Variants in HARS2 observed in about 807,000 individuals in gnomAD.
The protein encoded by HARS2 is histidyl-tRNA synthetase 2, mitochondrial, also known as histidine--tRNA ligase, mitochondrial.
HARS2 carries 40 observed loss-of-function variants against 62.4 expected under a neutral mutation model. That is an observed-to-expected ratio of 0.64 (90% confidence interval 0.50 to 0.83). The LOEUF (loss-of-function observed/expected upper bound fraction) is 0.83. HARS2 is among the 40% of genes least tolerant of loss of function. The probability of loss-of-function intolerance (pLI) is 0.00; values close to 1 mark genes in which losing one functional copy is unlikely to be tolerated. For missense variants in HARS2, 569 were observed against 626.4 expected, an observed-to-expected ratio of 0.91 and a Z score of 0.98; for synonymous variants, 228 against 227.0, an observed-to-expected ratio of 1.00 and a Z score of -0.04.
chr5:140,697,804 G>C (rs1759814136), intron 11 of HARS2, 119 bp downstream of exon 11: 2 of 1,228,912 alleles, frequency 1.6e-6, no homozygotes, highest in Non-Finnish European at 2.4e-6. Flanking sequence ...GCTACTACTG[G>C]CTACTAGATT....
chr5:140,697,754 T>C, intron 11 of HARS2, 69 bp downstream of exon 11: 1 of 1,306,904 alleles, frequency 7.7e-7, no homozygotes. Context: ...TATATCTATC[T>C]TATGTCTGGG....
rs1759889440 is a variant in HARS2 at position 140,699,297 on chromosome 5, T to C, written c.*745T>C. The C allele has an allele frequency of 6.5e-6, 1 of 153,668 alleles. No individual in the cohort carries two copies. The highest frequency in any genetic ancestry group is 2.4e-5 in the African/African-American group (1 of 41,446). 9.5% of individuals were successfully genotyped at this position (153,668 alleles called of 1,614,324 possible). A position where few individuals can be genotyped will look rare whatever the true frequency, so the allele number is the denominator to read the frequency against. On this transcript the variant is annotated 3_prime_UTR_variant, in exon 13 of 13. Transcript: ENST00000230771. ...GTTGGATAACATGTTAAATAAAATA[T>C]TAAGTGTAGTAGTTTGGGTAATTTG...
At chr5:140,697,911 C>T in intron 11 of HARS2, 21 bp from the exon 12 acceptor site, 1 of 1,611,748 alleles carries the variant, frequency 6.2e-7, no homozygotes, top group Non-Finnish European at 8.5e-7. Flanking sequence ...AAGTCCCTTA[C>T]TCTGTCTTGA....
intron 11 of HARS2, 84 bp from the exon 12 acceptor site, chr5:140,697,848 T>C: frequency 4.1e-6 from 6 of 1,460,122 alleles, no homozygotes; most frequent in Non-Finnish European, 5.8e-6. Context: ...GCCACTTATC[T>C]CTGGCTTTCT....
intron 12 of HARS2, 135 bp downstream of exon 12, chr5:140,698,213 G>A (rs1759835944): frequency 4.3e-6 from 4 of 922,188 alleles, no homozygotes; most frequent in Non-Finnish European, 5.1e-6. Context: ...ACTCACTCAA[G>A]ATGACCATTG....
intron 1 of HARS2, 91 bp downstream of exon 1, chr5:140,691,847 A>T (rs1759503153): frequency 2.2e-6 from 2 of 928,924 alleles, no homozygotes; most frequent in Admixed American, 4.0e-5. Flanking sequence ...GTAGTGTTAC[A>T]ATCGGTTTTT....
At position 140,697,653 on chromosome 5, in the gene HARS2, C is replaced by T. The variant is rs762273590; in HGVS notation, c.1282C>T (p.Leu428Phe). ...QKNFLQERLK[L>F]IAELWDSGIK... The stretch of plus-strand genomic sequence containing the variant: ...GAACTTTCTCCAAGAACGGTTGAAG[C>T]TTATTGCAGAGCTTTGGGATTCTGG... The change falls in exon 11 of 13, where the codon CTT becomes TTT. Residue 428 changes from leucine (L) to phenylalanine (F), a missense_variant. Transcript: ENST00000230771. 6.2e-7 allele frequency: 1 copy of T among 1,613,158 alleles called. No homozygotes were observed. The highest frequency in any genetic ancestry group is 2.2e-5 in the East Asian group (1 of 44,894).
At position 140,696,353 on chromosome 5, in the gene HARS2, CATGCTATACAGTGGGG is replaced by C; in HGVS notation, c.732+155_733-150del. 1.5e-5 allele frequency: 12 copies of C among 796,838 alleles called. No individual in the cohort carries two copies. The South Asian group carries it at 1.7e-4, about 11-fold the overall frequency. 49.4% of individuals were successfully genotyped at this position (796,838 alleles called of 1,614,324 possible). A position where few individuals can be genotyped will look rare whatever the true frequency, so the allele number is the denominator to read the frequency against. On this transcript the variant is annotated intron_variant, in intron 7 of 12. Transcript: ENST00000230771. ...GCATACTCTGAAGGAAGATCTGAGT[CATGCTATACAGTGGGG>C]ATTGTGACTGGATTTCTTAAGCTGT... is the stretch of plus-strand genomic sequence containing the variant.
chr5:140,695,968 T>C, intron 6 of HARS2, 123 bp downstream of exon 6: 1 of 983,292 alleles, frequency 1.0e-6, no homozygotes, highest in Non-Finnish European at 1.7e-6. Flanking sequence ...CTAGTAAAGC[T>C]GTTGTATTTC....
intron 1 of HARS2, chr5:140,692,063 T>C (rs1759516769): frequency 2.5e-6 from 1 of 403,008 alleles, no homozygotes; most frequent in African/African-American, 2.0e-5. Flanking sequence ...CCTGAAACTC[T>C]TGGACTCAAA....
At chr5:140,694,333 T>C in intron 4 of HARS2, 53 bp downstream of exon 4, 1 of 1,245,226 alleles carries the variant, frequency 8.0e-7, no homozygotes. Context: ...TCCAGCGGGC[T>C]TTCTCTGACA....
In HARS2 at chr5:140,697,602, C is replaced by G. The variant is rs1695559223; in HGVS notation, c.1231C>G (p.Gln411Glu). 6.2e-7 allele frequency: 1 copy of G among 1,613,848 alleles called. No homozygotes were observed. Among genetic ancestry groups the G allele is most frequent in the Non-Finnish European group, 8.5e-7 (1 of 1,179,738 alleles). ...KGEKVRTTET[Q>E]VFVATPQKNF... ...TGAGAAGGTGCGGACTACAGAGACTCAAGTGTTTGTGGCCACACCACAGAA... is the reference window on the plus strand; with the variant it reads ...TGAGAAGGTGCGGACTACAGAGACTGAAGTGTTTGTGGCCACACCACAGAA... Residue 411 changes from glutamine (Q) to glutamate (E), a missense_variant, in exon 11 of 13, where the codon CAA becomes GAA. By Grantham distance (29) the Gln-to-Glu change is conservative. Coordinates refer to ENST00000230771, the MANE Select transcript of HARS2 (RefSeq NM_012208.4).
chr5:140,697,797 A>G, intron 11 of HARS2, 112 bp downstream of exon 11: 1 of 1,207,500 alleles, frequency 8.3e-7, no homozygotes, highest in Non-Finnish European at 1.2e-6. Context: ...TCTGCTAGCT[A>G]CTACTGGCTA....
At chr5:140,697,805 C>A (rs972522327) in intron 11 of HARS2, 120 bp downstream of exon 11, 1 of 1,232,194 alleles carries the variant, frequency 8.1e-7, no homozygotes, top group Non-Finnish European at 1.2e-6. Flanking sequence ...CTACTACTGG[C>A]TACTAGATTG....
Position 140,691,500 on chromosome 5 carries a change from C to G in HARS2, c.-149C>G, listed in dbSNP as rs967268214. On this transcript the variant is annotated 5_prime_UTR_variant, in exon 1 of 13. Transcript: ENST00000230771. Reference sequence around the variant, plus strand: ...GAACTTGGGAGGATCCCACCTCAGCCTTCGTGACTAGTGAGGTGCGCAAAC... The same window carrying G: ...GAACTTGGGAGGATCCCACCTCAGCGTTCGTGACTAGTGAGGTGCGCAAAC... The G allele has an allele frequency of 2.7e-6, 2 of 732,228 alleles. No homozygotes were observed. The highest frequency in any genetic ancestry group is 4.2e-5 in the Admixed American group (2 of 47,508). 45.4% of individuals were successfully genotyped at this position (732,228 alleles called of 1,614,324 possible).
chr5:140,695,601 G>T lies in HARS2; in HGVS notation c.493G>T (p.Val165Phe). The change falls in exon 5 of 13, where the codon GTC (valine) becomes TTC (phenylalanine). Residue 165 changes from valine (V) to phenylalanine (F), a missense_variant. Physicochemically the swap from Val to Phe is conservative, Grantham distance 50. Transcript: ENST00000230771. ...GTGGCGGCGAGAGAGCCCAACCATA[G>T]TCCAAGGCCGTTATAGGGAGTTCTG... ...KVWRRESPTI[V>F]QGRYREFCQC... 6.2e-7 allele frequency: 1 copy of T among 1,614,244 alleles called. No homozygotes were observed. Among genetic ancestry groups the T allele is most frequent in the Non-Finnish European group, 8.5e-7 (1 of 1,180,036 alleles).
Position 140,698,821 on chromosome 5 carries a change from G to A in HARS2, c.*269G>A, listed in dbSNP as rs1471899621. On this transcript the variant is annotated 3_prime_UTR_variant, in exon 13 of 13. Coordinates refer to ENST00000230771, the MANE Select transcript of HARS2 (RefSeq NM_012208.4). ...AGGCAAATTTGAAGTGCCACGGAACGTTGTCAAGAGGTAGTGAGATTGTTG... is the reference window on the plus strand; with the variant it reads ...AGGCAAATTTGAAGTGCCACGGAACATTGTCAAGAGGTAGTGAGATTGTTG... The A allele has an allele frequency of 2.4e-5, 12 of 509,204 alleles. No individual in the cohort carries two copies. Among genetic ancestry groups the A allele is most frequent in the Middle Eastern group, 5.6e-4 (1 of 1,786 alleles). 31.5% of individuals were successfully genotyped at this position (509,204 alleles called of 1,614,324 possible).
chr5:140,696,206 C>T lies in HARS2; in HGVS notation c.732+5C>T, dbSNP rs780761022. ...TCCATAGATAAACTAGACAAGGTAA[C>T]AAAGAAGACATACTTCAGTAGACCC... On this transcript the variant is annotated splice_donor_5th_base_variant and intron_variant, in intron 7 of 12. Coordinates refer to ENST00000230771, the MANE Select transcript of HARS2 (RefSeq NM_012208.4). 1.3e-6 allele frequency: 2 copies of T among 1,577,482 alleles called. No individual in the cohort carries two copies. The highest frequency in any genetic ancestry group is 1.7e-6 in the Non-Finnish European group (2 of 1,146,478).
At chr5:140,692,986 G>A (rs1022574760) in intron 1 of HARS2, among the ~76,000 whole-genome samples, 6 of 152,084 alleles carry the variant, frequency 3.9e-5, no homozygotes, top group Non-Finnish European at 5.9e-5. Flanking sequence ...GGTGTTGGTA[G>A]TGGTGGGTTG....
Sources: allele counts gnomAD v4.1 joint callset (sites outside exome capture counted in the v4.1 genomes callset), GRCh38; gene constraint gnomAD v4.1.1; transcripts MANE v1.5; gene names NCBI Gene and HGNC (gene_info 2026-07-23, HGNC 2026-07-21).